CCDC14: variants seen among roughly 807,000 people sequenced by gnomAD.
The protein encoded by CCDC14 is coiled-coil domain containing 14, also known as coiled-coil domain-containing protein 14.
In CCDC14, 71 loss-of-function variants were observed where a neutral mutation model predicts 81.4. That is an observed-to-expected ratio of 0.87 (90% CI 0.72 to 1.06). The LOEUF is 1.06. Among genes scored for constraint, CCDC14 ranks in the 50% least tolerant of loss-of-function variants. The pLI, the probability that CCDC14 is intolerant of heterozygous loss-of-function variation, is 0.00. For missense variants in CCDC14, 1,046 were observed against 1,047.3 expected (o/e 1.00, Z 0.02); for synonymous variants, 332 against 364.8 (o/e 0.91, Z 1.03).
the CCDC14 span, among the ~76,000 whole-genome samples, chr3:123,889,371 T>TACTGC: frequency 6.6e-6 from 1 of 152,080 alleles, no homozygotes; most frequent in Non-Finnish European, 1.5e-5. Flanking sequence ...AAGATCGTGA[T>TACTGC]ACTGCACTCC....
rs1193372864 is a variant in CCDC14, at chr3:123,914,549, T to A, written c.*230A>T. 3.3e-6 allele frequency: 4 copies of A among 1,195,876 alleles called. No individual in the cohort carries two copies. The highest frequency in any genetic ancestry group is 5.9e-5 in the South Asian group (2 of 33,808). 74.1% of individuals were successfully genotyped at this position (1,195,876 alleles called of 1,614,324 possible). On this transcript the variant is annotated 3_prime_UTR_variant, in exon 13 of 13. Coordinates refer to ENST00000409697, the MANE Select transcript of CCDC14 (RefSeq NM_001366335.1). Reference sequence around the variant, plus strand: ...TACTGAAATAAAACATTACTTACAATAATTTCCTAGTTATCCACAACTTTC... The same window carrying A: ...TACTGAAATAAAACATTACTTACAAAAATTTCCTAGTTATCCACAACTTTC...
intron 12 of CCDC14, among the ~76,000 whole-genome samples, chr3:123,930,258 A>T (rs2035616767): frequency 6.6e-6 from 1 of 152,242 alleles, no homozygotes; most frequent in African/African-American, 2.4e-5. Flanking sequence ...CTTCCCTACA[A>T]GTTTATCATT....
At chr3:123,924,147 G>A (rs2035222304) in intron 12 of CCDC14, among the ~76,000 whole-genome samples, 1 of 151,996 alleles carries the variant, frequency 6.6e-6, no homozygotes. Flanking sequence ...ATGTATTTAT[G>A]GCCAATTGAT....
chr3:123,920,813 G>A (rs2035003766), intron 12 of CCDC14, among the ~76,000 whole-genome samples: 1 of 152,170 alleles, frequency 6.6e-6, no homozygotes, highest in Non-Finnish European at 1.5e-5. Context: ...ATGGTGGTAT[G>A]TAAAGCGATT....
intron 12 of CCDC14, among the ~76,000 whole-genome samples, chr3:123,923,176 A>G (rs528179636): frequency 4.6e-5 from 7 of 152,270 alleles, no homozygotes; most frequent in African/African-American, 1.4e-4. Context: ...GAAGAATTTA[A>G]AACTATATGA....
chr3:123,914,828 T>C lies in CCDC14; in HGVS notation c.2669A>G (p.Asn890Ser), dbSNP rs757421157. Residue 890 changes from asparagine to serine, a missense_variant, in exon 13 of 13, where the codon AAC becomes AGC. Coordinates refer to ENST00000409697, the MANE Select transcript of CCDC14 (RefSeq NM_001366335.1). ...TAAAGACTTCTGGAGTCTAGCTATGTTGGCATCTAATGCCGCAAGGCCATT... is the reference window on the plus strand; with the variant it reads ...TAAAGACTTCTGGAGTCTAGCTATGCTGGCATCTAATGCCGCAAGGCCATT... ...FRNGLAALDANIARLQKSLRT... is the reference protein window; with the variant it reads ...FRNGLAALDASIARLQKSLRT... The C allele has an allele frequency of 6.3e-6, 10 of 1,595,746 alleles. No individual in the cohort carries two copies. The highest frequency in any genetic ancestry group is 8.5e-6 in the Non-Finnish European group (10 of 1,170,516).
Position 123,914,781 on chromosome 3 carries a change from A to G in CCDC14, c.2716T>C (p.Ter906ArgextTer19). Residue 906 changes from the stop codon to arginine, a stop_lost, in exon 13 of 13, where the codon TGA (stop) becomes CGA (arginine). Coordinates refer to ENST00000409697, the MANE Select transcript of CCDC14 (RefSeq NM_001366335.1). Reference sequence around the variant, plus strand: ...ACCTGATGAGTTTTCTTCTGAATTCATTTCTCCAGAAGACCAGTCCTTAAA... The same window carrying G: ...ACCTGATGAGTTTTCTTCTGAATTCGTTTCTCCAGAAGACCAGTCCTTAAA... Reference protein sequence around the residue: ...KSLRTGLLEK* With the variant: ...KSLRTGLLEKR 3 of 1,513,122 alleles carry G rather than the reference A, an allele frequency of 2.0e-6. No homozygotes were observed. Among genetic ancestry groups the G allele is most frequent in the East Asian group, 2.4e-5 (1 of 40,902 alleles). 93.7% of individuals were successfully genotyped at this position (1,513,122 alleles called of 1,614,324 possible). A position where few individuals can be genotyped will look rare whatever the true frequency, so the allele number is the denominator to read the frequency against.
chr3:123,886,570 G>A, the CCDC14 span, among the ~76,000 whole-genome samples: 1 of 151,928 alleles, frequency 6.6e-6, no homozygotes, highest in Non-Finnish European at 1.5e-5. Flanking sequence ...GCTAATTTTT[G>A]TATTTTTAGT....
the CCDC14 span, among the ~76,000 whole-genome samples, chr3:123,889,349 CT>C: frequency 6.6e-6 from 1 of 152,042 alleles, no homozygotes; most frequent in Non-Finnish European, 1.5e-5. Flanking sequence ...GAGGTAGAGG[CT>C]GCAGTGAGCC....
At chr3:123,959,453 C>A (rs2037541541) in intron 1 of CCDC14, among the ~76,000 whole-genome samples, 1 of 152,062 alleles carries the variant, frequency 6.6e-6, no homozygotes. Flanking sequence ...TATTCAAATC[C>A]TTTTTTCGTT....
downstream of CCDC14, among the ~76,000 whole-genome samples, chr3:123,909,138 A>C (rs2034386477): frequency 6.6e-6 from 1 of 151,948 alleles, no homozygotes; most frequent in African/African-American, 2.4e-5. Context: ...CTCTTACCCC[A>C]CTCTGGGCCT....
At chr3:123,947,918 G>T (rs2036751698) in intron 7 of CCDC14, among the ~76,000 whole-genome samples, 1 of 151,978 alleles carries the variant, frequency 6.6e-6, no homozygotes. Flanking sequence ...AAAAAATACA[G>T]TATTAACAAG....
At chr3:123,930,855 G>A (rs1218625036) in intron 12 of CCDC14, 3 of 389,928 alleles carry the variant, frequency 7.7e-6, no homozygotes, top group Non-Finnish European at 1.4e-5. Flanking sequence ...TGCTATACAA[G>A]TCTTCAGCTT....
At chr3:123,912,293 C>A (rs1416437702), downstream of CCDC14, among the ~76,000 whole-genome samples, 2 of 152,154 alleles carry the variant, frequency 1.3e-5, no homozygotes, top group African/African-American at 2.4e-5. Flanking sequence ...GGATCTGGGA[C>A]CAGCCTGACC....
intron 5 of CCDC14, among the ~76,000 whole-genome samples, chr3:123,905,426 G>T (rs1327383642): frequency 6.6e-6 from 1 of 152,146 alleles, no homozygotes; most frequent in East Asian, 1.9e-4. Flanking sequence ...TATTTGAGTT[G>T]CCTTACGGCA....
At chr3:123,898,884 G>GT (rs10675830) in intron 5 of CCDC14, among the ~76,000 whole-genome samples, 76,429 of 139,372 alleles carry the variant, frequency 0.55, 24,060 homozygotes, top group Non-Finnish European at 0.73. Flanking sequence ...TTGTTTGGTT[G>GT]TTTTTTTTTT....
Position 123,948,738 on chromosome 3 carries a change from G to A in CCDC14, c.637C>T (p.Pro213Ser). 1 of 1,602,422 alleles carries A rather than the reference G, an allele frequency of 6.2e-7. No homozygotes were observed. The change falls in exon 7 of 13, where the codon CCA becomes TCA. Residue 213 changes from proline to serine, a missense_variant. Pro to Ser is a moderately conservative substitution (Grantham distance 74, BLOSUM62 -1). Transcript: ENST00000409697. ...GGTGGCCGCTGAAGTGACCAGACTG[G>A]GGTGGAGGTACATAAGCCATAACTA... ...HSSYGLCTST[P>S]VWSLQRPPCP... is the part of the protein sequence containing the mutation.
rs1237556924 is a variant in CCDC14 at position 123,917,435 on chromosome 3, CAGTAAG to C, written c.1779-1723_1779-1718del. On this transcript the variant is annotated intron_variant, in intron 12 of 12. Coordinates refer to ENST00000409697, the MANE Select transcript of CCDC14 (RefSeq NM_001366335.1). ...GCTTGAACCCGGGAGGCAGAGGGTG[CAGTAAG>C]CCAAGATCACTCCACCGCACTCCAG... 6.0e-5 allele frequency among the ~76,000 whole-genome samples: 9 copies of C among 150,700 alleles called. 1 individual carries two copies. The highest frequency in any genetic ancestry group is 1.5e-5 in the Non-Finnish European group (1 of 67,754).
At chr3:123,937,640 T>G (rs2036123394) in intron 9 of CCDC14, among the ~76,000 whole-genome samples, 1 of 151,962 alleles carries the variant, frequency 6.6e-6, no homozygotes, top group African/African-American at 2.4e-5. Context: ...AATAAGTGTT[T>G]TTTGAAGAAC....
Sources: gnomAD v4.1 joint callset for allele counts (sites outside exome capture counted in the v4.1 genomes callset) on GRCh38, gnomAD v4.1.1 for gene constraint, MANE v1.5 for transcripts, NCBI Gene and HGNC (gene_info 2026-07-23, HGNC 2026-07-21) for gene names.